Variants in NCOR2 observed in about 807,000 individuals in gnomAD.
NCOR2 encodes the protein nuclear receptor corepressor 2.
NCOR2 carries 81 observed loss-of-function variants against 262.9 expected under a neutral mutation model. The ratio of observed to expected loss-of-function variants is 0.31; its 90% CI spans 0.26 to 0.37. The LOEUF (loss-of-function observed/expected upper bound fraction) is 0.37. NCOR2 is among the 10% of genes least tolerant of loss of function. The pLI, the probability that NCOR2 is intolerant of heterozygous loss-of-function variation, is 1.00. For synonymous variants in NCOR2, 1,659 were observed against 1,559.3 expected, an observed-to-expected ratio of 1.06 and a Z score of -1.51; for missense variants, 3,385 against 3,621.4, an observed-to-expected ratio of 0.93 and a Z score of 1.68.
intron 6 of NCOR2, among the ~76,000 whole-genome samples, chr12:124,451,994 A>G (rs2045577344): frequency 6.6e-6 from 1 of 152,142 alleles, no homozygotes; most frequent in Non-Finnish European, 1.5e-5. Context: ...GCTCCTGCTC[A>G]GCTACTCTCC....
At chr12:124,370,019 G>T (rs1224613807) in intron 20 of NCOR2, among the ~76,000 whole-genome samples, 3 of 152,174 alleles carry the variant, frequency 2.0e-5, no homozygotes, top group Non-Finnish European at 4.4e-5. Context: ...GACCTCAGCG[G>T]TCCCCCGGCG....
intron 12 of NCOR2, among the ~76,000 whole-genome samples, chr12:124,422,143 C>T (rs1265316743): frequency 2.6e-5 from 4 of 152,230 alleles, no homozygotes; most frequent in African/African-American, 4.8e-5. Context: ...TTCCAGAATC[C>T]ACCCCCAGTT....
At chr12:124,388,615 G>C (rs1755402589) in intron 16 of NCOR2, 1 of 1,290,454 alleles carries the variant, frequency 7.7e-7, no homozygotes, top group African/African-American at 1.5e-5. Context: ...TCAAATCCCA[G>C]ATGGCCACGT....
chr12:124,383,380 C>T (rs1182927042), intron 17 of NCOR2: 2 of 274,700 alleles, frequency 7.3e-6, no homozygotes, highest in South Asian at 2.4e-4. Flanking sequence ...GAGGCGCCCT[C>T]GTCAGTGGGA....
chr12:124,564,124 C>G (rs779509339), intron 1 of NCOR2, among the ~76,000 whole-genome samples: 1 of 152,250 alleles, frequency 6.6e-6, no homozygotes, highest in Non-Finnish European at 1.5e-5. Context: ...TTATTACTAG[C>G]GTATGATCCA....
intron 1 of NCOR2, among the ~76,000 whole-genome samples, chr12:124,544,407 G>T (rs1051863686): frequency 1.3e-5 from 2 of 152,184 alleles, no homozygotes; most frequent in Admixed American, 6.5e-5. Context: ...CGGGCTGCCC[G>T]CCCAGGAGCA....
At chr12:124,515,503 G>C (rs1211144898) in intron 1 of NCOR2, among the ~76,000 whole-genome samples, 1 of 152,166 alleles carries the variant, frequency 6.6e-6, no homozygotes, top group Non-Finnish European at 1.5e-5. Context: ...TAACTAGGAA[G>C]GCAGCATGGA....
In NCOR2 at chr12:124,333,292, A is replaced by G; in HGVS notation, c.6606-13T>C. 4 of 1,591,758 alleles carry G rather than the reference A, an allele frequency of 2.5e-6. No homozygotes were observed. The highest frequency in any genetic ancestry group is 2.3e-5 in the East Asian group (1 of 44,352). The stretch of plus-strand genomic sequence containing the variant: ...TGGCTCTGGAGACCTGGATGGAGAA[A>G]GGGCCCCAGATGTGGTCAGAGGTCT... On this transcript the variant is annotated splice_polypyrimidine_tract_variant and intron_variant, in intron 41 of 46. Coordinates refer to ENST00000405201, the Ensembl canonical transcript of NCOR2.
intron 40 of NCOR2, 118 bp from the exon 43 acceptor site, chr12:124,334,735 G>A (rs2035723906): frequency 1.7e-6 from 1 of 600,302 alleles, no homozygotes. Flanking sequence ...AGCTTCCTGG[G>A]TGACTGTGGA....
intron 1 of NCOR2, among the ~76,000 whole-genome samples, chr12:124,502,433 C>T (rs1438905077): frequency 2.6e-5 from 4 of 152,108 alleles, no homozygotes; most frequent in Non-Finnish European, 5.9e-5. Context: ...AACCAGGAGG[C>T]GGCAGGCAGG....
intron 1 of NCOR2, among the ~76,000 whole-genome samples, chr12:124,515,626 T>C (rs1462239989): frequency 6.8e-6 from 1 of 146,042 alleles, no homozygotes; most frequent in African/African-American, 2.5e-5. Flanking sequence ...TATGGGTGTG[T>C]GTGCACGACT....
intron 7 of NCOR2, among the ~76,000 whole-genome samples, chr12:124,441,116 G>A (rs1242612333): frequency 2.6e-5 from 4 of 152,168 alleles, no homozygotes; most frequent in Admixed American, 2.0e-4. Flanking sequence ...AGGCCCAGGC[G>A]CCATGAGCAC....
At chr12:124,399,327 G>T (rs1565908261) in intron 15 of NCOR2, among the ~76,000 whole-genome samples, 1 of 152,186 alleles carries the variant, frequency 6.6e-6, no homozygotes, top group African/African-American at 2.4e-5. Flanking sequence ...TGCCAGAAGA[G>T]ACATGGAAGG....
chr12:124,334,629 T>TG lies in NCOR2; in HGVS notation c.6412-13dup, dbSNP rs751510162. ...TGTGTGATGACCTCCTGCAGGCAAG[T>TG]GGGGGGGCCCAGAGTCAGGCAGCAC... On this transcript the variant is annotated splice_polypyrimidine_tract_variant and intron_variant, in intron 40 of 46. Coordinates refer to ENST00000405201, the Ensembl canonical transcript of NCOR2. 2.2e-5 allele frequency: 26 copies of TG among 1,170,316 alleles called. No homozygotes were observed. The highest frequency in any genetic ancestry group is 2.3e-5 in the Non-Finnish European group (22 of 947,182). The allele number at this position is 1,170,316 out of a possible 1,614,324, so 72.5% of individuals were successfully genotyped here.
chr12:124,439,156 CAG>C (rs2044631439), intron 7 of NCOR2, among the ~76,000 whole-genome samples: 1 of 142,480 alleles, frequency 7.0e-6, no homozygotes, highest in African/African-American at 2.6e-5. Context: ...GACAGAAACC[CAG>C]AGAGAGGGAA....
intron 12 of NCOR2, among the ~76,000 whole-genome samples, chr12:124,420,286 A>G (rs983469476): frequency 2.6e-5 from 4 of 152,242 alleles, no homozygotes; most frequent in African/African-American, 9.6e-5. Flanking sequence ...ATACATAGGT[A>G]AAGTACTTGG....
rs560378109 is a variant in NCOR2 at position 124,327,132 on chromosome 12, G to T, written c.7183+277C>A. Among the ~76,000 whole-genome samples the T allele has an allele frequency of 7.2e-4, 110 of 152,296 alleles. 1 individual carries two copies. Among genetic ancestry groups the T allele is most frequent in the African/African-American group, 2.6e-3 (108 of 41,554 alleles). ...CCGCAGGGAGGAAGGCGGGAGGACT[G>T]GGGGGCGGACAGCAGTGTGAGTGTC... On this transcript the variant is annotated intron_variant, in intron 45 of 46. Coordinates refer to ENST00000405201, the Ensembl canonical transcript of NCOR2.
In NCOR2 at chr12:124,363,678, C is replaced by T; in HGVS notation, c.2928+1G>A. ...GTGGGGCTCTGGGGGTGGGCACTCACGATGGGGGGGATGGCAGCCGCTCGC... is the reference window on the plus strand; with the variant it reads ...GTGGGGCTCTGGGGGTGGGCACTCATGATGGGGGGGATGGCAGCCGCTCGC... On this transcript the variant is annotated splice_donor_variant, in intron 21 of 46. Transcript: ENST00000405201. LOFTEE classifies it high-confidence loss of function. The T allele has an allele frequency of 7.3e-7, 1 of 1,365,578 alleles. No individual in the cohort carries two copies. Among genetic ancestry groups the T allele is most frequent in the Non-Finnish European group, 9.5e-7 (1 of 1,049,076 alleles). The allele number at this position is 1,365,578 out of a possible 1,614,324, so 84.6% of individuals were successfully genotyped here. A position where few individuals can be genotyped will look rare whatever the true frequency, so the allele number is the denominator to read the frequency against.
rs1307736643 is a variant in NCOR2 at position 124,454,995 on chromosome 12, C to T, written c.762+2111G>A. ...CAAAAAGGAACGAAGGACCGACCCA[C>T]GCTCGACACGGATGAACCTCGAAAA... On this transcript the variant is annotated intron_variant, in intron 6 of 46. Coordinates refer to ENST00000405201, the Ensembl canonical transcript of NCOR2. This position sits in a 1 kb window ranked among gnomAD's most constrained non-coding sequence, Gnocchi z 5.6. Among the ~76,000 whole-genome samples, 4 of 151,620 alleles carry T rather than the reference C, an allele frequency of 2.6e-5. No homozygotes were observed. The highest frequency in any genetic ancestry group is 4.8e-5 in the African/African-American group (2 of 41,400).
Sources: gnomAD v4.1 joint callset for allele counts (sites outside exome capture counted in the v4.1 genomes callset) on GRCh38, gnomAD v4.1.1 for gene constraint, Gnocchi (gnomAD v3.1) non-coding constraint, MANE v1.5 for transcripts, NCBI Gene and HGNC (gene_info 2026-07-23, HGNC 2026-07-21) for gene names.